The following USP16 variants were observed in gnomAD, a reference collection of about 807,000 sequenced individuals.
USP16 encodes the protein ubiquitin specific peptidase 16.
USP16 carries 77 observed loss-of-function variants against 95.9 expected under a neutral mutation model. That is an observed-to-expected ratio of 0.80 (90% confidence interval 0.67 to 0.97). The LOEUF is 0.97. Ranked by LOEUF, USP16 falls within the 50% of genes least tolerant of loss-of-function variation. The probability of loss-of-function intolerance (pLI) is 0.00; values close to 1 mark genes in which losing one functional copy is unlikely to be tolerated. For synonymous variants in USP16, 303 were observed against 318.2 expected (o/e 0.95, Z 0.51); for missense variants, 943 against 959.9 (o/e 0.98, Z 0.23).
intron 9 of USP16, among the ~76,000 whole-genome samples, 164 bp from the exon 10 acceptor site, chr21:29,040,445 T>C (rs2085226265): frequency 6.6e-6 from 1 of 152,196 alleles, no homozygotes; most frequent in Non-Finnish European, 1.5e-5. Flanking sequence ...TGTGACATAA[T>C]TCCTTTTTAG....
At chr21:29,050,778 G>A (rs550395418) in intron 16 of USP16, among the ~76,000 whole-genome samples, 1 of 152,302 alleles carries the variant, frequency 6.6e-6, no homozygotes, top group East Asian at 1.9e-4. Context: ...TGAAGTTTTG[G>A]AGGGTTCTCA....
chr21:29,031,096 A>G (rs2146362635), intron 3 of USP16, among the ~76,000 whole-genome samples: 1 of 152,348 alleles, frequency 6.6e-6, no homozygotes, highest in East Asian at 1.9e-4. Context: ...TAGACCAGTC[A>G]TTGGATGTGG....
At chr21:29,032,756 A>G (rs1175289461) in intron 3 of USP16, among the ~76,000 whole-genome samples, 4 of 152,166 alleles carry the variant, frequency 2.6e-5, no homozygotes, top group Non-Finnish European at 5.9e-5. Context: ...GTGAACTTAG[A>G]TTTCATTTCT....
chr21:29,036,134 GA>G (rs1300397523), intron 4 of USP16, 136 bp from the exon 5 acceptor site: 5 of 682,880 alleles, frequency 7.3e-6, no homozygotes, highest in Non-Finnish European at 1.2e-5. Context: ...TCTTCTTCAG[GA>G]AAACAGAATT....
chr21:29,050,234 C>G (rs1324293156), intron 16 of USP16, 56 bp downstream of exon 16: 2 of 1,513,250 alleles, frequency 1.3e-6, no homozygotes, highest in Non-Finnish European at 1.8e-6. Context: ...TGTGGCTTAC[C>G]TAATGCTCCA....
Position 29,054,144 on chromosome 21 carries a change from TA to T in USP16, c.2432del (p.Asn811ThrfsTer39), listed in dbSNP as rs766695040. The T allele has an allele frequency of 3.7e-6, 6 of 1,614,216 alleles. No homozygotes were observed. Among genetic ancestry groups the T allele is most frequent in the Non-Finnish European group, 5.1e-6 (6 of 1,180,010 alleles). ...HVQAVPTTKV[L>X]NSQAYLLFYE... is the part of the protein sequence containing the mutation. ...CAAGCTGTGCCTACAACTAAAGTAC[TA>T]AACTCACAAGCGTACCTCCTATTTT... On this transcript the variant is annotated frameshift_variant, in exon 18 of 18. Coordinates refer to ENST00000399976, the MANE Select transcript of USP16 (RefSeq NM_006447.3). LOFTEE classifies it high-confidence loss of function.
chr21:29,053,802 A>T lies in USP16; in HGVS notation c.2194A>T (p.Asn732Tyr). Residue 732 changes from asparagine (N) to tyrosine (Y), a missense_variant and splice_region_variant, in exon 17 of 18, where the codon AAT (asparagine) becomes TAT (tyrosine). By Grantham distance (143) the Asn-to-Tyr change is moderately radical. Coordinates refer to ENST00000399976, the MANE Select transcript of USP16 (RefSeq NM_006447.3). ...LAPFCTLKCK[N>Y]VAEENTRVLY... ...TTTTGGATTCTACTCATTTTTAAAG[A>T]ATGTTGCAGAAGAAAATACAAGGGT... 1 of 1,608,532 alleles carries T rather than the reference A, an allele frequency of 6.2e-7. No individual in the cohort carries two copies. The highest frequency in any genetic ancestry group is 1.1e-5 in the South Asian group (1 of 89,662).
Position 29,050,096 on chromosome 21 carries a change from G to T in USP16, c.2111G>T (p.Gly704Val), listed in dbSNP as rs2085391438. The change falls in exon 16 of 18, where the codon GGT becomes GTT. Residue 704 changes from glycine (G) to valine (V), a missense_variant. Gly to Val is a moderately radical substitution (Grantham distance 109, BLOSUM62 -3). Transcript: ENST00000399976. ...TLHLKRFQQA[G>V]FNLRKVNKHI... is the part of the protein sequence containing the mutation. ...TCTGTTATGCTTCTCTTTTAGGCTG[G>T]TTTTAACCTACGCAAAGTTAACAAA... 2 of 1,612,218 alleles carry T rather than the reference G, an allele frequency of 1.2e-6. No individual in the cohort carries two copies. Among genetic ancestry groups the T allele is most frequent in the Non-Finnish European group, 1.7e-6 (2 of 1,179,442 alleles).
Position 29,042,011 on chromosome 21 carries a change from A to G in USP16, c.1031-2A>G, listed in dbSNP as rs1344687701. 1.2e-6 allele frequency: 2 copies of G among 1,611,294 alleles called. No homozygotes were observed. Among genetic ancestry groups the G allele is most frequent in the East Asian group, 4.5e-5 (2 of 44,792 alleles). On this transcript the variant is annotated splice_acceptor_variant, in intron 10 of 17. Coordinates refer to ENST00000399976, the MANE Select transcript of USP16 (RefSeq NM_006447.3). LOFTEE classifies it high-confidence loss of function. The stretch of plus-strand genomic sequence containing the variant: ...AATTGATAGACTTTTTTTTCTCCAT[A>G]GATTATGAGAAGAAAAAATCAATGC...
chr21:29,030,668 G>T lies in USP16; in HGVS notation c.135G>T (p.Trp45Cys). The T allele has an allele frequency of 6.2e-7, 1 of 1,614,002 alleles. No individual in the cohort carries two copies. The highest frequency in any genetic ancestry group is 8.5e-7 in the Non-Finnish European group (1 of 1,179,970). The change falls in exon 3 of 18, where the codon TGG becomes TGT. Residue 45 changes from tryptophan to cysteine, a missense_variant. Transcript: ENST00000399976. Reference sequence around the variant, plus strand: ...AAAAGGCTTTAGTGAATGTGGAATGGAATATCTGCCAAGACTGTAAGACTG... The same window carrying T: ...AAAAGGCTTTAGTGAATGTGGAATGTAATATCTGCCAAGACTGTAAGACTG... The part of the protein sequence containing the change: ...NLKKALVNVE[W>C]NICQDCKTDN...
chr21:29,039,714 A>G (rs2085216413), intron 9 of USP16, 146 bp downstream of exon 9: 10 of 632,580 alleles, frequency 1.6e-5, no homozygotes, highest in Middle Eastern at 4.5e-4. Context: ...TTTTTCAACT[A>G]GTATGTTTTC....
rs541043859 is a variant in USP16 at position 29,027,608 on chromosome 21, C to A, written c.-41-265C>A. ...ACTGTTCAAGATCTGTGTAAGATGA[C>A]CAAGGTTCTCTCCTGACCTTTACAT... On this transcript the variant is annotated intron_variant, in intron 1 of 17. Coordinates refer to ENST00000399976, the MANE Select transcript of USP16 (RefSeq NM_006447.3). 3.3e-5 allele frequency among the ~76,000 whole-genome samples: 5 copies of A among 152,288 alleles called. No homozygotes were observed. The South Asian group carries it at 1.0e-3, about 32-fold the overall frequency.
chr21:29,028,123 C>CTTTTT, intron 2 of USP16, 149 bp downstream of exon 2: 9 of 430,108 alleles, frequency 2.1e-5, no homozygotes, highest in Non-Finnish European at 2.8e-5. Flanking sequence ...TAGTCTTCTA[C>CTTTTT]TTTTTTTTTT....
intron 13 of USP16, among the ~76,000 whole-genome samples, chr21:29,044,335 G>A (rs1021800005): frequency 5.9e-5 from 9 of 151,936 alleles, no homozygotes; most frequent in Non-Finnish European, 1.3e-4. Context: ...CAAATATGCA[G>A]TCTTGGTTTT....
chr21:29,037,578 A>AAT, intron 6 of USP16, 115 bp downstream of exon 6: 14 of 642,274 alleles, frequency 2.2e-5, no homozygotes, highest in Non-Finnish European at 2.5e-5. Context: ...TCCAAAGAAA[A>AAT]CTTTTTTTTT....
In USP16 at chr21:29,053,871, AGG is replaced by A; in HGVS notation, c.2264_2265del (p.Arg755IlefsTer15). Reference sequence around the variant, plus strand: ...AGTTGTTGAACACAGTGGTACTATGAGGTCGGGGCATTACACTGCCTATGCCA... The same window carrying A: ...AGTTGTTGAACACAGTGGTACTATGATCGGGGCATTACACTGCCTATGCCA... ...YGVVEHSGTMRSGHYTAYAKA... is the reference protein window; with the variant it reads ...YGVVEHSGTMXSGHYTAYAKA... On this transcript the variant is annotated frameshift_variant, in exon 17 of 18. Transcript: ENST00000399976. LOFTEE classifies it high-confidence loss of function. 6.2e-7 allele frequency: 1 copy of A among 1,614,242 alleles called. No individual in the cohort carries two copies. Among genetic ancestry groups the A allele is most frequent in the South Asian group, 1.1e-5 (1 of 91,084 alleles).
Position 29,042,774 on chromosome 21 carries a change from C to G in USP16, c.1179+246C>G, listed in dbSNP as rs112054330. ...GTAATTAGTTTGATTGGTTTCCATACAGTGAAGTATTTTCCTTATATTAAA... is the reference window on the plus strand; with the variant it reads ...GTAATTAGTTTGATTGGTTTCCATAGAGTGAAGTATTTTCCTTATATTAAA... On this transcript the variant is annotated intron_variant, in intron 12 of 17. Transcript: ENST00000399976. 940 of 376,256 alleles carry G rather than the reference C, an allele frequency of 2.5e-3. 9 individuals carry two copies. The highest frequency in any genetic ancestry group is 0.019 in the African/African-American group (878 of 47,210). 23.3% of individuals were successfully genotyped at this position (376,256 alleles called of 1,614,324 possible). A position where few individuals can be genotyped will look rare whatever the true frequency, so the allele number is the denominator to read the frequency against.
intron 4 of USP16, 53 bp from the exon 5 acceptor site, chr21:29,036,218 C>T (rs373130630): frequency 5.0e-6 from 7 of 1,409,932 alleles, no homozygotes; most frequent in African/African-American, 2.8e-5. Flanking sequence ...TATTTGTCTC[C>T]CCCTTTTTAG....
At chr21:29,051,611 A>G (rs2085415204) in intron 16 of USP16, among the ~76,000 whole-genome samples, 1 of 152,212 alleles carries the variant, frequency 6.6e-6, no homozygotes, top group African/African-American at 2.4e-5. Flanking sequence ...CGGGTGGATC[A>G]CTTGAGGTGA....
Sources: gnomAD v4.1 joint callset for allele counts (sites outside exome capture counted in the v4.1 genomes callset) on GRCh38, gnomAD v4.1.1 for gene constraint, MANE v1.5 for transcripts, NCBI Gene and HGNC (gene_info 2026-07-23, HGNC 2026-07-21) for gene names.